FGD4: variants seen among roughly 807,000 people sequenced by gnomAD.
FGD4 encodes the protein FYVE, RhoGEF and PH domain containing 4, also known as FYVE, RhoGEF and PH domain-containing protein 4.
In FGD4, 42 loss-of-function variants were observed where a neutral mutation model predicts 102.0. That is an observed-to-expected ratio of 0.41 (90% CI 0.32 to 0.53). The LOEUF is 0.53. Ranked by LOEUF, FGD4 falls within the 20% of genes least tolerant of loss-of-function variation. The pLI is 0.21. For missense variants in FGD4, 902 were observed against 1,078.2 expected (o/e 0.84, Z 2.29); for synonymous variants, 380 against 375.7 (o/e 1.01, Z -0.13).
At chr12:32,480,214 T>G (rs1591982127) in intron 1 of FGD4, among the ~76,000 whole-genome samples, 1 of 151,032 alleles carries the variant, frequency 6.6e-6, no homozygotes, top group African/African-American at 2.4e-5. Flanking sequence ...AGAGCTGGAG[T>G]GCCGTGGCAT....
chr12:32,527,512 C>T (rs1362183356), intron 1 of FGD4, among the ~76,000 whole-genome samples: 1 of 152,202 alleles, frequency 6.6e-6, no homozygotes, highest in East Asian at 1.9e-4. Context: ...TCACTGCAAC[C>T]TCTGCCTCCT....
At position 32,544,105 on chromosome 12, in the gene FGD4, T is replaced by C. The variant is rs569951580; in HGVS notation, c.167-20032T>C. Among the ~76,000 whole-genome samples the C allele has an allele frequency of 1.1e-4, 17 of 152,344 alleles. No homozygotes were observed. The East Asian group carries it at 2.9e-3, about 26-fold the overall frequency. On this transcript the variant is annotated intron_variant, in intron 1 of 16. Transcript: ENST00000534526. This position sits in a 1 kb window ranked among gnomAD's most constrained non-coding sequence, Gnocchi z 4.1. The stretch of plus-strand genomic sequence containing the variant: ...TGTGACTTAAACAAGAGTCACATGG[T>C]GCTATGAGCTTAAATAATTACTAGT...
chr12:32,399,911 C>G lies in FGD4; in HGVS notation c.118C>G (p.Arg40Gly). The G allele has an allele frequency of 6.6e-7, 1 of 1,521,580 alleles. No homozygotes were observed. Among genetic ancestry groups the G allele is most frequent in the Non-Finnish European group, 8.8e-7 (1 of 1,140,954 alleles). The allele number at this position is 1,521,580 out of a possible 1,614,324, so 94.3% of individuals were successfully genotyped here. ...PWSRPASHLG[R>G]VGTAAFKGQV... ...GAGCAGGCCCGCGTCGCACCTGGGACGTGTAGGGACCGCTGCCTTCAAGGG... is the reference window on the plus strand; with the variant it reads ...GAGCAGGCCCGCGTCGCACCTGGGAGGTGTAGGGACCGCTGCCTTCAAGGG... Residue 40 changes from arginine (R) to glycine (G), a missense_variant, in exon 1 of 17, where the codon CGT becomes GGT. Arg to Gly is a moderately radical substitution (Grantham distance 125). This residue lies in a region of FGD4 where 443 missense variants were observed against 459.2 expected (regional missense o/e 0.96). Coordinates refer to ENST00000534526, the MANE Select transcript of FGD4 (RefSeq NM_001370298.3).
chr12:32,582,671 G>A (rs1946711860), intron 4 of FGD4: 3 of 635,542 alleles, frequency 4.7e-6, no homozygotes, highest in Admixed American at 2.9e-5. Flanking sequence ...TGTAGTTTCT[G>A]TTAATATCTC....
chr12:32,525,983 G>C (rs1475562824), intron 1 of FGD4, among the ~76,000 whole-genome samples: 1 of 152,238 alleles, frequency 6.6e-6, no homozygotes, highest in Non-Finnish European at 1.5e-5. Flanking sequence ...TGTGCGGCCC[G>C]AGCCTCCGAC....
intron 1 of FGD4, among the ~76,000 whole-genome samples, chr12:32,460,839 A>G (rs553911144): frequency 6.6e-6 from 1 of 152,332 alleles, no homozygotes; most frequent in African/African-American, 2.4e-5. Context: ...GAAAAGTGTA[A>G]TAACCTGCCC....
intron 10 of FGD4, among the ~76,000 whole-genome samples, chr12:32,612,201 C>T (rs942452832): frequency 6.6e-6 from 1 of 152,230 alleles, no homozygotes; most frequent in Non-Finnish European, 1.5e-5. Flanking sequence ...ACTTGCAGTA[C>T]GCTTGCTCCA....
chr12:32,479,064 G>A (rs1275488716), intron 1 of FGD4, among the ~76,000 whole-genome samples: 2 of 152,180 alleles, frequency 1.3e-5, no homozygotes, highest in Non-Finnish European at 2.9e-5. Flanking sequence ...AGTAATTATT[G>A]TATGTGAACT....
At chr12:32,579,436 G>C (rs921414260) in intron 3 of FGD4, among the ~76,000 whole-genome samples, 1 of 152,100 alleles carries the variant, frequency 6.6e-6, no homozygotes, top group Non-Finnish European at 1.5e-5. Context: ...TCCAAGTACT[G>C]GTTCAACTAC....
intron 10 of FGD4, among the ~76,000 whole-genome samples, chr12:32,615,565 G>A (rs530364481): frequency 6.6e-6 from 1 of 152,164 alleles, no homozygotes; most frequent in Non-Finnish European, 1.5e-5. Context: ...TAGAAAACAA[G>A]GATGTGTCAT....
At chr12:32,452,862 G>GC (rs1942818273) in intron 1 of FGD4, among the ~76,000 whole-genome samples, 1 of 151,972 alleles carries the variant, frequency 6.6e-6, no homozygotes, top group African/African-American at 2.4e-5. Context: ...GGTGGTGCAT[G>GC]CCTCTAGTCC....
At chr12:32,605,195 T>C (rs1178529900) in intron 7 of FGD4, among the ~76,000 whole-genome samples, 1 of 152,138 alleles carries the variant, frequency 6.6e-6, no homozygotes, top group Non-Finnish European at 1.5e-5. Flanking sequence ...CGTCTCGGCT[T>C]TCCAAAGTGC....
intron 11 of FGD4, among the ~76,000 whole-genome samples, chr12:32,622,945 G>C (rs1949934260): frequency 6.6e-6 from 1 of 152,148 alleles, no homozygotes; most frequent in South Asian, 2.1e-4. Flanking sequence ...AAGTCAGAGT[G>C]CCATAGGAAT....
chr12:32,638,821 G>A, intron 16 of FGD4, 26 bp downstream of exon 16: 2 of 1,613,708 alleles, frequency 1.2e-6, no homozygotes, highest in South Asian at 2.2e-5. Context: ...CTGTCTGAAG[G>A]GACAGATGCC....
At chr12:32,421,741 T>C (rs1051488369) in intron 1 of FGD4, among the ~76,000 whole-genome samples, 22 of 152,144 alleles carry the variant, frequency 1.4e-4, no homozygotes, top group African/African-American at 5.3e-4. Context: ...TCTAGTGGGC[T>C]TTGCTTTAAA....
At chr12:32,528,793 CTTG>C (rs771689824) in intron 1 of FGD4, among the ~76,000 whole-genome samples, 30 of 152,054 alleles carry the variant, frequency 2.0e-4, no homozygotes, top group Non-Finnish European at 4.0e-4. Flanking sequence ...TTGTTGTTGT[CTTG>C]TTTTTATTTG....
chr12:32,461,498 G>A (rs1473641185), intron 1 of FGD4, among the ~76,000 whole-genome samples: 1 of 152,072 alleles, frequency 6.6e-6, no homozygotes, highest in Non-Finnish European at 1.5e-5. Flanking sequence ...CTTTTGACAT[G>A]TTTTTGCCAG....
intron 5 of FGD4, among the ~76,000 whole-genome samples, chr12:32,599,318 C>G (rs1340823373): frequency 1.4e-5 from 2 of 147,622 alleles, no homozygotes; most frequent in African/African-American, 5.1e-5. Flanking sequence ...CACGGTGAAA[C>G]CCCGTCTCTA....
chr12:32,473,098 G>A (rs1033616239), intron 1 of FGD4, among the ~76,000 whole-genome samples: 30 of 146,896 alleles, frequency 2.0e-4, no homozygotes, highest in African/African-American at 7.0e-4. Context: ...TGTTGGGGAC[G>A]TGGAGAACCT....
Sources: gnomAD v4.1 joint callset for allele counts (sites outside exome capture counted in the v4.1 genomes callset) on GRCh38, gnomAD v4.1.1 for gene constraint, gnomAD v4.1.1 regional missense constraint, Gnocchi (gnomAD v3.1) non-coding constraint, MANE v1.5 for transcripts, NCBI Gene and HGNC (gene_info 2026-07-23, HGNC 2026-07-21) for gene names.